FAAP20: variants seen among roughly 807,000 people sequenced by gnomAD.
FAAP20 encodes the protein FA core complex associated protein 20, also known as Fanconi anemia core complex-associated protein 20.
FAAP20 carries 12 observed loss-of-function variants against 16.2 expected under a neutral mutation model. The ratio of observed to expected loss-of-function variants is 0.74; its 90% CI spans 0.48 to 1.20. FAAP20 has a LOEUF of 1.20. Among genes scored for constraint, FAAP20 ranks in the 50% most tolerant of loss-of-function variants. FAAP20 has a pLI of 0.00. For missense variants in FAAP20, 288 were observed against 245.8 expected, an observed-to-expected ratio of 1.17 and a Z score of -1.15; for synonymous variants, 141 against 110.7, an observed-to-expected ratio of 1.27 and a Z score of -1.72.
intron 3 of FAAP20, chr1:2,192,182 G>A: frequency 1.0e-6 from 1 of 985,788 alleles, no homozygotes; most frequent in Non-Finnish European, 1.2e-6. Context: ...GGAGTCCCAG[G>A]GCATCCCAGG....
upstream of FAAP20, chr1:2,198,970 G>C (rs1237445153): frequency 7.8e-7 from 1 of 1,288,444 alleles, no homozygotes; most frequent in Admixed American, 2.3e-5. Context: ...CAGCAGAGCA[G>C]GTGCTCGGGC....
At chr1:2,187,168 C>T, downstream of FAAP20, 1 of 471,550 alleles carries the variant, frequency 2.1e-6, no homozygotes, top group Non-Finnish European at 4.4e-6. Context: ...TCACCCTTGA[C>T]TGCCAGGGTC....
chr1:2,210,714 G>T (rs959764443), downstream of FAAP20, among the ~76,000 whole-genome samples: 4 of 152,218 alleles, frequency 2.6e-5, no homozygotes, highest in Admixed American at 2.6e-4. Context: ...GCACACACAT[G>T]CACCAGGGCT....
At chr1:2,211,538 C>G (rs967407128), downstream of FAAP20, among the ~76,000 whole-genome samples, 7 of 140,080 alleles carry the variant, frequency 5.0e-5, no homozygotes, top group Admixed American at 5.1e-4. Flanking sequence ...GTTCCGCCTC[C>G]CAGGTTCACG....
At chr1:2,185,666 T>G (rs969613330), downstream of FAAP20, among the ~76,000 whole-genome samples, 1 of 152,152 alleles carries the variant, frequency 6.6e-6, no homozygotes, top group Non-Finnish European at 1.5e-5. Flanking sequence ...ACTGGACCGA[T>G]GGGGGAAATT....
At chr1:2,199,031 G>T, upstream of FAAP20, 1 of 1,242,238 alleles carries the variant, frequency 8.0e-7, no homozygotes, top group Non-Finnish European at 1.0e-6. This position sits in a 1 kb window ranked among gnomAD's most constrained non-coding sequence, Gnocchi z 4.5. Flanking sequence ...CTTGGGCACC[G>T]ACAGCCTCCT....
chr1:2,187,868 G>A (rs1687760577), downstream of FAAP20, among the ~76,000 whole-genome samples: 1 of 152,202 alleles, frequency 6.6e-6, no homozygotes, highest in Admixed American at 6.5e-5. Context: ...CCACTGTGGG[G>A]CCATGCAGAG....
chr1:2,207,019 G>A (rs1290629645), intron 1 of FAAP20, among the ~76,000 whole-genome samples: 2 of 152,184 alleles, frequency 1.3e-5, no homozygotes, highest in Non-Finnish European at 2.9e-5. Context: ...GGTCAGGGGA[G>A]GAGGGCACTG....
At chr1:2,194,584 G>T in intron 1 of FAAP20, 104 bp downstream of exon 1, 1 of 513,408 alleles carries the variant, frequency 1.9e-6, no homozygotes, top group South Asian at 8.3e-5. Flanking sequence ...CGGGGGCAGG[G>T]AGCCCTCCCC....
At chr1:2,204,783 C>A (rs1465515684), upstream of FAAP20, among the ~76,000 whole-genome samples, 1 of 152,138 alleles carries the variant, frequency 6.6e-6, no homozygotes. Flanking sequence ...CCAGCCGCCG[C>A]CTTTGGTTTC....
At chr1:2,185,607 C>T, downstream of FAAP20, 1 of 680,326 alleles carries the variant, frequency 1.5e-6, no homozygotes, top group East Asian at 2.7e-5. Context: ...CCGCTGTGGT[C>T]TAGGGTGAAG....
chr1:2,200,808 G>T, upstream of FAAP20: 1 of 1,013,786 alleles, frequency 9.9e-7, no homozygotes, highest in South Asian at 3.6e-5. Flanking sequence ...CCAAGAGCTG[G>T]AAGGGGGCCC....
upstream of FAAP20, chr1:2,198,221 T>C: frequency 8.2e-7 from 1 of 1,223,918 alleles, no homozygotes; most frequent in Non-Finnish European, 1.1e-6. Flanking sequence ...AAATTCATGT[T>C]TACAAAAGAA....
At chr1:2,192,725 C>T (rs1355762490) in intron 3 of FAAP20, 2 of 1,148,210 alleles carry the variant, frequency 1.7e-6, no homozygotes, top group African/African-American at 3.2e-5. Flanking sequence ...GGAATCCTCC[C>T]ACTTCAGCCT....
upstream of FAAP20, chr1:2,198,547 C>T (rs1209985504): frequency 3.6e-5 from 24 of 660,656 alleles, no homozygotes; most frequent in South Asian, 4.1e-4. Flanking sequence ...AGCGCTGACA[C>T]CCTGCAAATC....
chr1:2,185,646 C>T (rs576740073), downstream of FAAP20: 5 of 637,088 alleles, frequency 7.8e-6, no homozygotes, highest in African/African-American at 9.1e-5. Flanking sequence ...GCAGCTGGGC[C>T]AGCCAGCTCA....
chr1:2,192,745 C>T (rs1390506243), intron 3 of FAAP20: 1 of 1,126,762 alleles, frequency 8.9e-7, no homozygotes, highest in African/African-American at 1.6e-5. Flanking sequence ...TCCAGAGTAG[C>T]TAGGACCACA....
downstream of FAAP20, among the ~76,000 whole-genome samples, chr1:2,207,942 G>GTC (rs1689324158): frequency 6.6e-6 from 1 of 151,720 alleles, no homozygotes. Flanking sequence ...GTGTGTGTGT[G>GTC]TGTGTGTGTG....
chr1:2,189,768 C>T lies in FAAP20; in HGVS notation c.484G>A (p.Asp162Asn), dbSNP rs776658180. 7 of 1,612,592 alleles carry T rather than the reference C, an allele frequency of 4.3e-6. No homozygotes were observed. Among genetic ancestry groups the T allele is most frequent in the Non-Finnish European group, 4.2e-6 (5 of 1,179,520 alleles). Residue 162 changes from aspartate to asparagine, a missense_variant, in exon 4 of 4, where the codon GAT (aspartate) becomes AAT (asparagine). Physicochemically the swap from Asp to Asn is conservative, Grantham distance 23. Transcript: ENST00000378546. Reference protein sequence around the residue: ...KEFAPRLTQLDVDSHLAQCLA... With the variant: ...KEFAPRLTQLNVDSHLAQCLA... ...CACTGGGCCAGGTGGCTGTCAACAT[C>T]CAGCTGGGTCAGCCTGCAAGGGAGG...
Sources: gnomAD v4.1 joint callset for allele counts (sites outside exome capture counted in the v4.1 genomes callset) on GRCh38, gnomAD v4.1.1 for gene constraint, Gnocchi (gnomAD v3.1) non-coding constraint, MANE v1.5 for transcripts, NCBI Gene and HGNC (gene_info 2026-07-23, HGNC 2026-07-21) for gene names.